Variants in PTPRT observed in about 807,000 individuals in gnomAD.
PTPRT encodes protein tyrosine phosphatase receptor type T.
In PTPRT, 56 loss-of-function variants were observed where a neutral mutation model predicts 176.8. The observed-to-expected ratio is 0.32, with a 90% CI of 0.26 to 0.40. The LOEUF (loss-of-function observed/expected upper bound fraction) is 0.40. Among genes scored for constraint, PTPRT ranks in the 10% least tolerant of loss-of-function variants. The pLI is 1.00. For missense variants in PTPRT, 1,540 were observed against 1,908.2 expected, an observed-to-expected ratio of 0.81 and a Z score of 3.60; for synonymous variants, 783 against 739.0, an observed-to-expected ratio of 1.06 and a Z score of -0.96.
intron 7 of PTPRT, among the ~76,000 whole-genome samples, chr20:42,633,787 AT>A (rs1569037044): frequency 0.029 from 332 of 11,576 alleles, 1 homozygote; most frequent in Non-Finnish European, 0.054. Flanking sequence ...CTCTGAAAAT[AT>A]ATATATATAT....
In PTPRT at chr20:42,089,245, G is replaced by A. The variant is rs187194824; in HGVS notation, c.3847-3392C>T. Among the ~76,000 whole-genome samples the A allele has an allele frequency of 7.5e-4, 114 of 152,156 alleles. 1 individual carries two copies. Among genetic ancestry groups the A allele is most frequent in the Admixed American group, 2.6e-3 (40 of 15,276 alleles). On this transcript the variant is annotated intron_variant, in intron 27 of 30. Transcript: ENST00000373187. ...ATTTCTCTTTGCCATTGGCTCTTCCGCCTTGCAACCTTCACAGTAATGAGA... is the reference window on the plus strand; with the variant it reads ...ATTTCTCTTTGCCATTGGCTCTTCCACCTTGCAACCTTCACAGTAATGAGA...
chr20:42,204,310 T>C (rs973662626), intron 15 of PTPRT, among the ~76,000 whole-genome samples: 1 of 151,220 alleles, frequency 6.6e-6, no homozygotes, highest in Non-Finnish European at 1.5e-5. Context: ...AAAAAAAAAA[T>C]CTCATGCAAT....
chr20:42,468,625 T>C (rs2071140085), intron 8 of PTPRT, among the ~76,000 whole-genome samples: 1 of 152,228 alleles, frequency 6.6e-6, no homozygotes, highest in Non-Finnish European at 1.5e-5. Flanking sequence ...AAAGGCTTTT[T>C]TTTCTTGGTG....
At chr20:42,604,899 G>C (rs2073846665) in intron 7 of PTPRT, among the ~76,000 whole-genome samples, 1 of 152,216 alleles carries the variant, frequency 6.6e-6, no homozygotes, top group South Asian at 2.1e-4. Context: ...TGTGTGCTGA[G>C]AGGGTGACTC....
intron 11 of PTPRT, among the ~76,000 whole-genome samples, chr20:42,317,739 T>C (rs1232173031): frequency 2.0e-5 from 3 of 152,126 alleles, no homozygotes; most frequent in African/African-American, 7.2e-5. Context: ...ACACACTCAA[T>C]ATGGCAAGTT....
Position 42,102,232 on chromosome 20 carries a change from G to C in PTPRT, c.3606C>G (p.Asn1202Lys). The C allele has an allele frequency of 6.2e-7, 1 of 1,614,178 alleles. No homozygotes were observed. The highest frequency in any genetic ancestry group is 8.5e-7 in the Non-Finnish European group (1 of 1,180,022). The change falls in exon 26 of 31, where the codon AAC (asparagine) becomes AAG (lysine). Residue 1202 changes from asparagine (N) to lysine (K), a missense_variant. By Grantham distance (94) the Asn-to-Lys change is moderately conservative. Around this residue, in one of 11 missense-constraint regions of PTPRT, gnomAD observed 342 missense variants for 394.0 expected, o/e 0.87. Transcript: ENST00000373187. ...CGTCCATACTTCGATTCTTATCATG[G>C]TTCCGGGGCAGGAGCCCAATGCTGC... ...EDCSIGLLPRNHDKNRSMDVL... is the reference protein window; with the variant it reads ...EDCSIGLLPRKHDKNRSMDVL...
At chr20:42,722,100 T>C (rs2076312167) in intron 6 of PTPRT, among the ~76,000 whole-genome samples, 1 of 152,168 alleles carries the variant, frequency 6.6e-6, no homozygotes. Flanking sequence ...CTGGCCTCTT[T>C]GCTTCCTCCC....
chr20:42,906,944 A>G (rs1329729510), intron 1 of PTPRT, among the ~76,000 whole-genome samples: 2 of 152,230 alleles, frequency 1.3e-5, no homozygotes, highest in East Asian at 3.9e-4. Flanking sequence ...GTCAACCCCC[A>G]AGTTCAAAAT....
chr20:42,332,332 C>T (rs2057977762), intron 11 of PTPRT, among the ~76,000 whole-genome samples: 2 of 152,082 alleles, frequency 1.3e-5, no homozygotes, highest in South Asian at 4.2e-4. Flanking sequence ...GCCTCAGCCT[C>T]CCGAGTAGCT....
chr20:42,483,535 C>T (rs1376738612), intron 7 of PTPRT, among the ~76,000 whole-genome samples: 2 of 152,176 alleles, frequency 1.3e-5, no homozygotes, highest in Admixed American at 6.5e-5. Context: ...AAGCTTCTCT[C>T]GCCCAGTTGG....
chr20:42,368,469 G>A (rs889134134), intron 9 of PTPRT, among the ~76,000 whole-genome samples: 2 of 152,066 alleles, frequency 1.3e-5, no homozygotes, highest in Non-Finnish European at 2.9e-5. Context: ...AAGTATGGCT[G>A]GGAGCGTAGC....
At chr20:42,276,563 T>G (rs2057043158) in intron 13 of PTPRT, among the ~76,000 whole-genome samples, 1 of 86,034 alleles carries the variant, frequency 1.2e-5, no homozygotes, top group South Asian at 4.2e-4. Context: ...ATATATAATG[T>G]TCTTGAATAC....
chr20:43,110,108 T>C (rs1429283866), intron 1 of PTPRT, among the ~76,000 whole-genome samples: 2 of 152,178 alleles, frequency 1.3e-5, no homozygotes, highest in African/African-American at 4.8e-5. Flanking sequence ...AAATAGGGCA[T>C]CTGTATCAGG....
At chr20:42,687,577 C>A (rs41283264) in intron 6 of PTPRT, 25,219 of 152,122 alleles carry the variant, frequency 0.17, 2,397 homozygotes, top group East Asian at 0.23. Flanking sequence ...AAGCATGAAT[C>A]AAGAGTCTGT....
At chr20:42,177,378 T>A (rs1193597174) in intron 16 of PTPRT, among the ~76,000 whole-genome samples, 2 of 152,228 alleles carry the variant, frequency 1.3e-5, no homozygotes, top group East Asian at 1.9e-4. Context: ...TCTTACTGAA[T>A]GAATGAAGTA....
At chr20:43,125,209 AG>A (rs1370508087) in intron 1 of PTPRT, among the ~76,000 whole-genome samples, 2 of 150,458 alleles carry the variant, frequency 1.3e-5, no homozygotes, top group African/African-American at 4.9e-5. Context: ...CATGTTGGTC[AG>A]GCTGGTCTCA....
At position 42,827,883 on chromosome 20, in the gene PTPRT, C is replaced by T. The variant is rs369929469; in HGVS notation, c.215-36417G>A. Among the ~76,000 whole-genome samples the T allele has an allele frequency of 3.8e-4, 58 of 152,282 alleles. No homozygotes were observed. In the South Asian group the frequency reaches 8.1e-3, roughly 21 times the overall value. On this transcript the variant is annotated intron_variant, in intron 2 of 30. Coordinates refer to ENST00000373187, the MANE Select transcript of PTPRT (RefSeq NM_007050.6). ...CTGAGGCATCCCCAGCCATGCTGAA[C>T]GGTGAGTCAACTAAACATCTTTGCT...
intron 7 of PTPRT, among the ~76,000 whole-genome samples, chr20:42,509,810 G>T (rs1702176796): frequency 6.6e-6 from 1 of 152,078 alleles, no homozygotes; most frequent in Non-Finnish European, 1.5e-5. Context: ...TAGCAAATAT[G>T]TATTGAGCAT....
At chr20:42,865,138 A>T (rs2078724816) in intron 2 of PTPRT, among the ~76,000 whole-genome samples, 1 of 152,190 alleles carries the variant, frequency 6.6e-6, no homozygotes, top group Non-Finnish European at 1.5e-5. Context: ...GCAGTAATGA[A>T]CAAAGTATGC....
Sources: gnomAD v4.1 joint callset for allele counts (sites outside exome capture counted in the v4.1 genomes callset) on GRCh38, gnomAD v4.1.1 for gene constraint, gnomAD v4.1.1 regional missense constraint, MANE v1.5 for transcripts, NCBI Gene and HGNC (gene_info 2026-07-23, HGNC 2026-07-21) for gene names.